The following DACH1 variants were observed in gnomAD, a reference collection of about 807,000 sequenced individuals.
The protein encoded by DACH1 is dachshund family transcription factor 1, also known as dachshund homolog 1.
A neutral mutation model predicts 54.2 loss-of-function variants in DACH1; 12 were observed. That is an observed-to-expected ratio of 0.22 (90% CI 0.14 to 0.36). The LOEUF is 0.36. Among genes scored for constraint, DACH1 ranks in the 10% least tolerant of loss-of-function variants. The pLI, the probability that DACH1 is intolerant of heterozygous loss-of-function variation, is 1.00. For missense variants in DACH1, 805 were observed against 929.8 expected, an observed-to-expected ratio of 0.87 and a Z score of 1.75; for synonymous variants, 386 against 366.2, an observed-to-expected ratio of 1.05 and a Z score of -0.62.
At chr13:71,566,473 C>G (rs1297927363) in intron 4 of DACH1, among the ~76,000 whole-genome samples, 1 of 152,128 alleles carries the variant, frequency 6.6e-6, no homozygotes, top group Admixed American at 6.6e-5. Context: ...AAAGTTACCT[C>G]ATGAATCATT....
intron 1 of DACH1, among the ~76,000 whole-genome samples, chr13:71,780,484 C>T (rs755966167): frequency 5.3e-5 from 8 of 151,840 alleles, no homozygotes; most frequent in South Asian, 2.1e-4. Flanking sequence ...ACAAATAACA[C>T]GGTATGAAAC....
intron 3 of DACH1, among the ~76,000 whole-genome samples, chr13:71,615,963 T>C (rs906551486): frequency 5.9e-5 from 9 of 152,186 alleles, no homozygotes; most frequent in Non-Finnish European, 1.3e-4. Context: ...AAGAGCCCTA[T>C]GTAATATTTC....
chr13:71,556,090 T>C (rs916740808), intron 6 of DACH1, among the ~76,000 whole-genome samples: 1 of 152,268 alleles, frequency 6.6e-6, no homozygotes, highest in African/African-American at 2.4e-5. Context: ...GTCTTTTTGG[T>C]GGGAAGAAGG....
At chr13:71,619,284 A>G (rs1241862718) in intron 3 of DACH1, among the ~76,000 whole-genome samples, 1 of 151,918 alleles carries the variant, frequency 6.6e-6, no homozygotes, top group Non-Finnish European at 1.5e-5. Flanking sequence ...ATTGATATTA[A>G]TTGGTTTGTC....
rs145613082 is a variant in DACH1 at position 71,804,292 on chromosome 13, A to G, written c.848+61630T>C. On this transcript the variant is annotated intron_variant, in intron 1 of 10. Coordinates refer to ENST00000613252, the MANE Select transcript of DACH1 (RefSeq NM_080759.6). ...CGTACTACTGGACTCCAGCCTCGGCAACAGGGTGAGACCTTGTCTCAGAGA... is the reference window on the plus strand; with the variant it reads ...CGTACTACTGGACTCCAGCCTCGGCGACAGGGTGAGACCTTGTCTCAGAGA... Among the ~76,000 whole-genome samples, 1,147 of 152,274 alleles carry G rather than the reference A, an allele frequency of 7.5e-3. 3 individuals are homozygous for G. The highest frequency in any genetic ancestry group is 0.012 in the Non-Finnish European group (802 of 68,012).
intron 2 of DACH1, among the ~76,000 whole-genome samples, chr13:71,637,829 T>C (rs1877595939): frequency 6.6e-6 from 1 of 152,184 alleles, no homozygotes; most frequent in African/African-American, 2.4e-5. Flanking sequence ...TACTTATAAA[T>C]AGAAGATTAC....
chr13:71,552,980 G>A (rs1036180609), intron 6 of DACH1, among the ~76,000 whole-genome samples: 6 of 147,482 alleles, frequency 4.1e-5, no homozygotes, highest in South Asian at 2.1e-4. Flanking sequence ...TCAGGAGTTC[G>A]AGACCAGCCT....
At chr13:71,487,139 C>T (rs1349090339) in intron 7 of DACH1, among the ~76,000 whole-genome samples, 2 of 152,104 alleles carry the variant, frequency 1.3e-5, no homozygotes, top group Admixed American at 6.5e-5. Context: ...GCATGAGCCA[C>T]GGCACCCGAC....
intron 2 of DACH1, among the ~76,000 whole-genome samples, chr13:71,648,936 A>G (rs1010347468): frequency 6.6e-6 from 1 of 152,208 alleles, no homozygotes; most frequent in African/African-American, 2.4e-5. Flanking sequence ...CATGGCAATA[A>G]TAACATAAAT....
chr13:71,759,323 T>A (rs1215270038), intron 1 of DACH1, among the ~76,000 whole-genome samples: 1 of 152,152 alleles, frequency 6.6e-6, no homozygotes, highest in African/African-American at 2.4e-5. Flanking sequence ...GAGCTAAATA[T>A]TTTAAATATT....
intron 1 of DACH1, among the ~76,000 whole-genome samples, chr13:71,773,846 G>A (rs1006958181): frequency 5.3e-5 from 8 of 151,880 alleles, no homozygotes; most frequent in African/African-American, 9.6e-5. Context: ...TGGAAATAGC[G>A]TACAAATAAT....
At chr13:71,690,116 A>G (rs1466739445) in intron 1 of DACH1, among the ~76,000 whole-genome samples, 1 of 152,180 alleles carries the variant, frequency 6.6e-6, no homozygotes, top group East Asian at 1.9e-4. Flanking sequence ...TATAAAGTGA[A>G]TCAAGTCACT....
At chr13:71,749,106 T>C (rs1344925950) in intron 1 of DACH1, among the ~76,000 whole-genome samples, 1 of 151,856 alleles carries the variant, frequency 6.6e-6, no homozygotes, top group African/African-American at 2.4e-5. Flanking sequence ...GGCCTTAGCC[T>C]CCTGAGTCAC....
chr13:71,781,723 T>A (rs1034705437), intron 1 of DACH1, among the ~76,000 whole-genome samples: 5 of 152,074 alleles, frequency 3.3e-5, no homozygotes, highest in African/African-American at 4.8e-5. Context: ...CAATTATGAT[T>A]TTTCTTTGGA....
At chr13:71,800,769 T>G (rs1887259244) in intron 1 of DACH1, among the ~76,000 whole-genome samples, 1 of 152,126 alleles carries the variant, frequency 6.6e-6, no homozygotes, top group South Asian at 2.1e-4. Context: ...TACATGGTAT[T>G]TTAATAGGAT....
intron 1 of DACH1, among the ~76,000 whole-genome samples, chr13:71,794,659 A>G (rs184040193): frequency 5.3e-5 from 8 of 152,272 alleles, no homozygotes; most frequent in African/African-American, 1.7e-4. Flanking sequence ...GTTTGTCTCT[A>G]ACTCCTGACC....
intron 1 of DACH1, among the ~76,000 whole-genome samples, chr13:71,795,027 G>T (rs487107): frequency 0.52 from 78,068 of 151,338 alleles, 21,721 homozygotes; most frequent in East Asian, 0.86. Context: ...AACCATTATT[G>T]GAAGTCCTAG....
rs369063051 is a variant in DACH1 at position 71,514,124 on chromosome 13, T to G, written c.1571-24976A>C. Among the ~76,000 whole-genome samples, 9 of 152,174 alleles carry G rather than the reference T, an allele frequency of 5.9e-5. No homozygotes were observed. In the East Asian group the frequency reaches 7.7e-4, roughly 13 times the overall value. ...CATTTGAATAATTTATCAAATAATT[T>G]CATAAGCTCCTTTGATCACTTGATA... On this transcript the variant is annotated intron_variant, in intron 6 of 10. Coordinates refer to ENST00000613252, the MANE Select transcript of DACH1 (RefSeq NM_080759.6).
chr13:71,467,435 C>CA (rs1246469383), intron 10 of DACH1, among the ~76,000 whole-genome samples: 1 of 148,970 alleles, frequency 6.7e-6, no homozygotes, highest in Non-Finnish European at 1.5e-5. Context: ...ACCAGCATGG[C>CA]CATGTATACA....
Sources: allele counts gnomAD v4.1 joint callset (sites outside exome capture counted in the v4.1 genomes callset), GRCh38; gene constraint gnomAD v4.1.1; transcripts MANE v1.5; gene names NCBI Gene and HGNC (gene_info 2026-07-23, HGNC 2026-07-21).